Variants in PSMF1 observed in about 807,000 individuals in gnomAD.
PSMF1 encodes the protein proteasome inhibitor PI31 subunit.
In PSMF1, 30 loss-of-function variants were observed where a neutral mutation model predicts 29.3. The observed-to-expected ratio is 1.02, with a 90% CI of 0.77 to 1.39. The LOEUF is 1.39. Ranked by LOEUF, PSMF1 falls within the 40% of genes most tolerant of loss-of-function variation. The pLI is 0.00. For missense variants in PSMF1, 344 were observed against 357.5 expected (o/e 0.96, Z 0.31); for synonymous variants, 134 against 139.7 (o/e 0.96, Z 0.29).
At chr20:1,121,877 G>A (rs536878749) in intron 1 of PSMF1, among the ~76,000 whole-genome samples, 1 of 152,274 alleles carries the variant, frequency 6.6e-6, no homozygotes, top group South Asian at 2.1e-4. Flanking sequence ...TTACAGCTTT[G>A]TCAAGTGGTT....
chr20:1,148,652 A>T (rs2086487070), intron 4 of PSMF1, among the ~76,000 whole-genome samples: 2 of 152,182 alleles, frequency 1.3e-5, no homozygotes, highest in Admixed American at 6.5e-5. Context: ...TTAGTATCTG[A>T]TATTTCATTT....
At chr20:1,148,112 A>G (rs1237247214) in intron 4 of PSMF1, among the ~76,000 whole-genome samples, 1 of 152,160 alleles carries the variant, frequency 6.6e-6, no homozygotes, top group Non-Finnish European at 1.5e-5. Flanking sequence ...CTAGAGCGTA[A>G]AGAGACTTGT....
intron 3 of PSMF1, among the ~76,000 whole-genome samples, chr20:1,133,555 G>GTGTGTGTATATATATATATATATA (rs60728448): frequency 1.9e-5 from 1 of 53,988 alleles, no homozygotes; most frequent in African/African-American, 6.4e-5. Flanking sequence ...CTATATATGT[G>GTGTGTGTATATATATATATATATA]TATATATATA....
At chr20:1,160,769 CG>C (rs1412124359) in intron 4 of PSMF1, 3 of 424,160 alleles carry the variant, frequency 7.1e-6, no homozygotes, top group Non-Finnish European at 1.4e-5. Context: ...AGAGCAAGCA[CG>C]GCATCCTGAC....
intron 4 of PSMF1, among the ~76,000 whole-genome samples, chr20:1,154,129 A>T (rs1862091349): frequency 6.6e-6 from 1 of 152,252 alleles, no homozygotes; most frequent in Non-Finnish European, 1.5e-5. Context: ...AAGCAATGAG[A>T]TCCAAAATGA....
At chr20:1,115,944 G>A (rs1415115280), upstream of PSMF1, among the ~76,000 whole-genome samples, 2 of 151,728 alleles carry the variant, frequency 1.3e-5, no homozygotes. Flanking sequence ...TGTTGGCCAG[G>A]CTGGTCTTGA....
rs1215583920 is a variant in PSMF1, at chr20:1,170,684, T to G, written c.*5604T>G. The stretch of plus-strand genomic sequence containing the variant: ...TCATCCACAAAATGAGCATCACCCC[T>G]ACCTGCAGGATTCTTGCAAGATCCA... On this transcript the variant is annotated 3_prime_UTR_variant, in exon 7 of 7. Coordinates refer to ENST00000335877, the MANE Select transcript of PSMF1 (RefSeq NM_006814.5). Among the ~76,000 whole-genome samples, 2 of 151,822 alleles carry G rather than the reference T, an allele frequency of 1.3e-5. No individual in the cohort carries two copies. Among genetic ancestry groups the G allele is most frequent in the African/African-American group, 4.8e-5 (2 of 41,332 alleles).
chr20:1,132,643 G>C (rs1432612725), intron 3 of PSMF1, among the ~76,000 whole-genome samples: 1 of 152,132 alleles, frequency 6.6e-6, no homozygotes, highest in Non-Finnish European at 1.5e-5. Context: ...CTAGGATTTT[G>C]ATAGGAGTTG....
rs367981594 is a variant in PSMF1, at chr20:1,118,817, T to A, written c.44T>A (p.Ile15Asn). 161 of 1,613,510 alleles carry A rather than the reference T, an allele frequency of 1.0e-4. No individual in the cohort carries two copies. The highest frequency in any genetic ancestry group is 2.2e-4 in the Admixed American group (13 of 60,012). The stretch of plus-strand genomic sequence containing the variant: ...CTGTTCGCATCGGCAGCGCCGGCCA[T>A]CACCTGCAGGCAGGACGCGCTCGTC... ...EVLFASAAPAITCRQDALVCF... is the reference protein window; with the variant it reads ...EVLFASAAPANTCRQDALVCF... The change falls in exon 1 of 7, where the codon ATC becomes AAC. Residue 15 changes from isoleucine (I) to asparagine (N), a missense_variant. Physicochemically the swap from Ile to Asn is moderately radical, Grantham distance 149. Coordinates refer to ENST00000335877, the MANE Select transcript of PSMF1 (RefSeq NM_006814.5).
At position 1,163,012 on chromosome 20, in the gene PSMF1, C is replaced by A; in HGVS notation, c.552-118C>A. On this transcript the variant is annotated intron_variant, in intron 4 of 6. Transcript: ENST00000335877. The surrounding 1 kb of genome is among the most constrained non-coding windows in gnomAD (Gnocchi z 6.1). Reference sequence around the variant, plus strand: ...GAGCCAAGGACCACCCTGAAATATCCCTTGTGCTATGGTCTCATGCAAGGG... The same window carrying A: ...GAGCCAAGGACCACCCTGAAATATCACTTGTGCTATGGTCTCATGCAAGGG... The A allele has an allele frequency of 9.6e-7, 1 of 1,044,512 alleles. No homozygotes were observed. Among genetic ancestry groups the A allele is most frequent in the Non-Finnish European group, 1.4e-6 (1 of 689,994 alleles). 64.7% of individuals were successfully genotyped at this position (1,044,512 alleles called of 1,614,324 possible).
chr20:1,163,299 C>T lies in PSMF1; in HGVS notation c.605+116C>T. On this transcript the variant is annotated intron_variant, in intron 5 of 6. Coordinates refer to ENST00000335877, the MANE Select transcript of PSMF1 (RefSeq NM_006814.5). The surrounding 1 kb of genome is among the most constrained non-coding windows in gnomAD (Gnocchi z 6.1). Reference sequence around the variant, plus strand: ...GTCTCTTCCTTTGGGGTGGAGGAGGCAGTTGTTGCTGAGCAGCTGAGAAAG... The same window carrying T: ...GTCTCTTCCTTTGGGGTGGAGGAGGTAGTTGTTGCTGAGCAGCTGAGAAAG... 1 of 1,193,762 alleles carries T rather than the reference C, an allele frequency of 8.4e-7. No homozygotes were observed. The highest frequency in any genetic ancestry group is 1.2e-6 in the Non-Finnish European group (1 of 827,524). The allele number at this position is 1,193,762 out of a possible 1,614,324, so 73.9% of individuals were successfully genotyped here.
chr20:1,126,535 C>T (rs1219791857), intron 2 of PSMF1, among the ~76,000 whole-genome samples: 7 of 152,038 alleles, frequency 4.6e-5, no homozygotes, highest in African/African-American at 1.4e-4. Context: ...TGGTTTCAAA[C>T]AACAAAAACC....
At chr20:1,138,689 A>G (rs1348557262) in intron 4 of PSMF1, among the ~76,000 whole-genome samples, 1 of 151,998 alleles carries the variant, frequency 6.6e-6, no homozygotes, top group Non-Finnish European at 1.5e-5. Context: ...GCCAGGCTTG[A>G]TGGCATATAC....
intron 1 of PSMF1, among the ~76,000 whole-genome samples, chr20:1,120,292 T>G (rs1222968903): frequency 6.6e-6 from 1 of 152,092 alleles, no homozygotes; most frequent in East Asian, 1.9e-4. Context: ...ACATACTTCA[T>G]CTCTCAAATG....
intron 4 of PSMF1, among the ~76,000 whole-genome samples, chr20:1,151,450 A>G (rs2086529568): frequency 6.6e-6 from 1 of 152,258 alleles, no homozygotes; most frequent in Non-Finnish European, 1.5e-5. Flanking sequence ...TGTGAAATAG[A>G]TACTATTGTC....
In PSMF1 at chr20:1,166,215, G is replaced by T. The variant is rs2086728391; in HGVS notation, c.*1135G>T. On this transcript the variant is annotated 3_prime_UTR_variant, in exon 7 of 7. Transcript: ENST00000335877. ...CCCACCTGACCTTTGGTGTTCTCCG[G>T]ATCCTTTTCAGCCCGAGGCCTGACA... 6.2e-7 allele frequency: 1 copy of T among 1,612,126 alleles called. No individual in the cohort carries two copies. The highest frequency in any genetic ancestry group is 1.3e-5 in the African/African-American group (1 of 74,910).
At chr20:1,131,096 G>A (rs931453162) in intron 3 of PSMF1, among the ~76,000 whole-genome samples, 2 of 152,178 alleles carry the variant, frequency 1.3e-5, no homozygotes, top group African/African-American at 4.8e-5. Context: ...TCTGGGTGTT[G>A]CACACTCCCT....
intron 3 of PSMF1, among the ~76,000 whole-genome samples, chr20:1,128,908 C>T (rs954485227): frequency 6.6e-6 from 1 of 151,646 alleles, no homozygotes; most frequent in African/African-American, 2.4e-5. Flanking sequence ...CGGAGTCTTG[C>T]TCTGTCACCC....
In PSMF1 at chr20:1,163,330, C is replaced by A; in HGVS notation, c.605+147C>A. ...TTGCTGAGCAGCTGAGAAAGCACTG[C>A]CACATACGCTGCCCCTCCACACCTA... On this transcript the variant is annotated intron_variant, in intron 5 of 6. Transcript: ENST00000335877. This position sits in a 1 kb window ranked among gnomAD's most constrained non-coding sequence, Gnocchi z 6.1. 1 of 865,812 alleles carries A rather than the reference C, an allele frequency of 1.2e-6. No individual in the cohort carries two copies. Among genetic ancestry groups the A allele is most frequent in the Non-Finnish European group, 1.8e-6 (1 of 544,418 alleles). 53.6% of individuals were successfully genotyped at this position (865,812 alleles called of 1,614,324 possible).
Sources: allele counts gnomAD v4.1 joint callset (sites outside exome capture counted in the v4.1 genomes callset), GRCh38; gene constraint gnomAD v4.1.1; non-coding constraint Gnocchi (gnomAD v3.1); transcripts MANE v1.5; gene names NCBI Gene and HGNC (gene_info 2026-07-23, HGNC 2026-07-21).